Variants in FSHR observed in about 807,000 individuals in gnomAD.
The protein encoded by FSHR is follicle-stimulating hormone receptor.
A neutral mutation model predicts 52.1 loss-of-function variants in FSHR; 46 were observed. That is an observed-to-expected ratio of 0.88 (90% CI 0.70 to 1.13). The LOEUF (loss-of-function observed/expected upper bound fraction) is 1.13. Among genes scored for constraint, FSHR ranks in the 50% most tolerant of loss-of-function variants. FSHR has a pLI of 0.00. For synonymous variants in FSHR, 399 were observed against 309.6 expected, an observed-to-expected ratio of 1.29 and a Z score of -3.03; for missense variants, 964 against 834.6, an observed-to-expected ratio of 1.16 and a Z score of -1.91.
intron 4 of FSHR, chr2:48,997,139 G>T: frequency 1.2e-6 from 1 of 806,770 alleles, no homozygotes; most frequent in Non-Finnish European, 1.5e-6. Flanking sequence ...GGTTCCAGTG[G>T]TCTCTCTAGC....
chr2:48,984,689 C>T (rs1401081206), intron 6 of FSHR, among the ~76,000 whole-genome samples: 2 of 151,974 alleles, frequency 1.3e-5, no homozygotes, highest in East Asian at 1.9e-4. Flanking sequence ...CCTGTCTTAG[C>T]TCATGAGCTG....
At chr2:49,010,368 G>A (rs1667224624) in intron 4 of FSHR, among the ~76,000 whole-genome samples, 1 of 151,134 alleles carries the variant, frequency 6.6e-6, no homozygotes, top group Non-Finnish European at 1.5e-5. Context: ...TTGCATCCCA[G>A]GGATGAAGCC....
chr2:49,116,141 G>GT (rs1245837937), intron 1 of FSHR, among the ~76,000 whole-genome samples: 4 of 152,180 alleles, frequency 2.6e-5, no homozygotes, highest in Non-Finnish European at 5.9e-5. Flanking sequence ...TGAGGAATTT[G>GT]TGACAACTGA....
At chr2:49,109,412 C>A (rs977609734) in intron 1 of FSHR, among the ~76,000 whole-genome samples, 2 of 152,066 alleles carry the variant, frequency 1.3e-5, no homozygotes, top group Admixed American at 1.3e-4. Flanking sequence ...AGAGGAGGTG[C>A]CATGGCCAGA....
At chr2:49,121,223 T>C (rs1020347213) in intron 1 of FSHR, among the ~76,000 whole-genome samples, 1 of 152,196 alleles carries the variant, frequency 6.6e-6, no homozygotes, top group Non-Finnish European at 1.5e-5. Flanking sequence ...GGCTTCAAAG[T>C]TTGACAACTT....
chr2:49,080,286 A>G (rs1670118874), intron 1 of FSHR, among the ~76,000 whole-genome samples: 2 of 152,160 alleles, frequency 1.3e-5, no homozygotes. Context: ...TTCAAGAGTC[A>G]TTTGTTAATA....
At chr2:49,129,001 G>A (rs1368420789) in intron 1 of FSHR, among the ~76,000 whole-genome samples, 1 of 150,724 alleles carries the variant, frequency 6.6e-6, no homozygotes, top group African/African-American at 2.4e-5. Flanking sequence ...CATCTTTGAA[G>A]GTCGTTAAAG....
At chr2:48,974,325 T>A (rs543959212) in intron 8 of FSHR, among the ~76,000 whole-genome samples, 7 of 152,186 alleles carry the variant, frequency 4.6e-5, no homozygotes, top group Non-Finnish European at 1.0e-4. Flanking sequence ...TTGGGAAGCC[T>A]CCTTGGTAAA....
intron 2 of FSHR, among the ~76,000 whole-genome samples, chr2:49,020,676 T>C (rs1329860036): frequency 6.6e-6 from 1 of 152,116 alleles, no homozygotes; most frequent in Non-Finnish European, 1.5e-5. Context: ...TAAAAACAGG[T>C]GTCAGGCTGG....
At chr2:49,103,806 CTCTA>C (rs1458577849) in intron 1 of FSHR, among the ~76,000 whole-genome samples, 1 of 152,158 alleles carries the variant, frequency 6.6e-6, no homozygotes, top group Non-Finnish European at 1.5e-5. Context: ...ACAGTCATGA[CTCTA>C]TCTATGCCCT....
Position 49,019,172 on chromosome 2 carries a change from G to C in FSHR, c.299+914C>G, listed in dbSNP as rs141278587. ...ACAAACACACAATATCCTTCTTGGA[G>C]ATTCTAAATGCATATTAGCATATTA... On this transcript the variant is annotated intron_variant, in intron 3 of 9. Transcript: ENST00000406846. Among the ~76,000 whole-genome samples the C allele has an allele frequency of 1.2e-3, 186 of 152,268 alleles. 1 individual carries two copies. Among genetic ancestry groups the C allele is most frequent in the African/African-American group, 4.2e-3 (174 of 41,548 alleles).
rs1558404932 is a variant in FSHR at position 49,038,630 on chromosome 2, AATAATAAT to A, written c.225-18478_225-18471del. Among the ~76,000 whole-genome samples the A allele has an allele frequency of 5.8e-4, 28 of 47,960 alleles. 2 individuals carry two copies. Among genetic ancestry groups the A allele is most frequent in the East Asian group, 2.1e-3 (4 of 1,874 alleles). The allele number at this position is 47,960 out of a possible 152,430, so 31.5% of individuals were successfully genotyped here. On this transcript the variant is annotated intron_variant, in intron 2 of 9. Transcript: ENST00000406846. Reference sequence around the variant, plus strand: ...ACAGAGCAAGACTCTGTCTCAAAATAATAATAATAATAATAATAATAATAATAATAATA... The same window carrying A: ...ACAGAGCAAGACTCTGTCTCAAAATAAATAATAATAATAATAATAATAATA...
intron 7 of FSHR, 40 bp downstream of exon 7, chr2:48,983,058 T>C (rs1410191958): frequency 6.2e-7 from 1 of 1,610,968 alleles, no homozygotes; most frequent in Non-Finnish European, 8.5e-7. Context: ...AAGAGCCATT[T>C]CCCTTTAAAT....
intron 3 of FSHR, among the ~76,000 whole-genome samples, chr2:49,018,921 C>T (rs1479170977): frequency 6.6e-6 from 1 of 152,104 alleles, no homozygotes; most frequent in Non-Finnish European, 1.5e-5. Flanking sequence ...TAAATTCATC[C>T]TTGTTAAAAA....
intron 1 of FSHR, among the ~76,000 whole-genome samples, chr2:49,085,972 G>A (rs557136196): frequency 9.6e-4 from 145 of 150,332 alleles, no homozygotes; most frequent in Non-Finnish European, 1.8e-3. Flanking sequence ...TGTGGGGGGG[G>A]GGAGTGGGGA....
chr2:49,137,766 G>A (rs1442115981), intron 1 of FSHR, among the ~76,000 whole-genome samples: 1 of 152,020 alleles, frequency 6.6e-6, no homozygotes, highest in African/African-American at 2.4e-5. Flanking sequence ...GATTGAAGTT[G>A]GATACTTATC....
intron 2 of FSHR, among the ~76,000 whole-genome samples, chr2:49,060,805 T>C (rs1022636558): frequency 6.6e-6 from 1 of 152,112 alleles, no homozygotes; most frequent in Non-Finnish European, 1.5e-5. Flanking sequence ...CAGTCATCCA[T>C]GTACCCACTC....
intron 6 of FSHR, among the ~76,000 whole-genome samples, chr2:48,986,878 C>T (rs1254726317): frequency 6.6e-6 from 1 of 152,106 alleles, no homozygotes; most frequent in Non-Finnish European, 1.5e-5. Context: ...ACTGTGAGAA[C>T]AATATAAGCA....
chr2:49,021,379 G>A (rs926462806), intron 2 of FSHR, among the ~76,000 whole-genome samples: 3 of 152,152 alleles, frequency 2.0e-5, no homozygotes, highest in Non-Finnish European at 2.9e-5. Flanking sequence ...CTATTATTAG[G>A]CCTCCTGAGG....
Sources: allele counts gnomAD v4.1 joint callset (sites outside exome capture counted in the v4.1 genomes callset), GRCh38; gene constraint gnomAD v4.1.1; transcripts MANE v1.5; gene names NCBI Gene and HGNC (gene_info 2026-07-23, HGNC 2026-07-21).